SELENOM: variants seen among roughly 807,000 people sequenced by gnomAD.
SELENOM encodes the protein selenoprotein SelM.
Under a neutral mutation model 14.5 loss-of-function variants are expected in SELENOM, and 17 were observed. The observed-to-expected ratio is 1.17, with a 90% CI of 0.80 to 1.76. The LOEUF (loss-of-function observed/expected upper bound fraction) is 1.76. SELENOM is among the 40% of genes most tolerant of loss of function. SELENOM has a pLI of 0.00. For synonymous variants in SELENOM, 102 were observed against 93.3 expected (o/e 1.09, Z -0.54); for missense variants, 230 against 204.6 (o/e 1.12, Z -0.76).
Position 31,104,980 on chromosome 22 carries a change from G to A in SELENOM, c.428C>T (p.Ala143Val). Residue 143 changes from alanine (A) to valine (V), a missense_variant, in exon 5 of 5, where the codon GCT (alanine) becomes GTT (valine). Transcript: ENST00000400299. Reference protein sequence around the residue: ...AKPPEETSDHADL With the variant: ...AKPPEETSDHVDL Reference sequence around the variant, plus strand: ...GCCGCGCCCCCGGACCTACAGGTCAGCGTGGTCCGAAGTTTCCTCTGGGGG... The same window carrying A: ...GCCGCGCCCCCGGACCTACAGGTCAACGTGGTCCGAAGTTTCCTCTGGGGG... 2 of 1,591,722 alleles carry A rather than the reference G, an allele frequency of 1.3e-6. No individual in the cohort carries two copies. The highest frequency in any genetic ancestry group is 8.5e-7 in the Non-Finnish European group (1 of 1,171,468).
chr22:31,107,070 T>G, intron 1 of SELENOM: 8 of 283,506 alleles, frequency 2.8e-5, no homozygotes, highest in East Asian at 6.7e-5. Flanking sequence ...TGGGACAGGA[T>G]TGGGAGTCAT....
rs1256200038 is a variant in SELENOM at position 31,107,480 on chromosome 22, G to C, written c.26C>G (p.Ala9Gly). MSLLLPPL[A>G]LLLLLAALVA... ...AAGCGCCGCGAGAAGCAGCAGCAGC[G>C]CCAGCGGAGGCAACAGGAGGCTCAT... The change falls in exon 1 of 5, where the codon GCG (alanine) becomes GGG (glycine). Residue 9 changes from alanine to glycine, a missense_variant. By Grantham distance (60) the Ala-to-Gly change is moderately conservative. Coordinates refer to ENST00000400299, the MANE Select transcript of SELENOM (RefSeq NM_080430.4). The C allele has an allele frequency of 1.3e-6, 2 of 1,556,792 alleles. No homozygotes were observed. Among genetic ancestry groups the C allele is most frequent in the Non-Finnish European group, 1.7e-6 (2 of 1,153,230 alleles).
intron 3 of SELENOM, 117 bp downstream of exon 3, chr22:31,105,541 C>T (rs2044393278): frequency 4.6e-6 from 5 of 1,087,432 alleles, no homozygotes; most frequent in Non-Finnish European, 5.6e-6. Flanking sequence ...CCTCTGGGAG[C>T]CACTACCAAT....
chr22:31,107,329 G>A, intron 1 of SELENOM, 48 bp downstream of exon 1: 2 of 1,556,474 alleles, frequency 1.3e-6, no homozygotes, highest in Non-Finnish European at 8.7e-7. Context: ...CCATGGGGCC[G>A]CAGGGTTGGG....
chr22:31,105,811 G>T, intron 2 of SELENOM, 119 bp from the exon 3 acceptor site: 2 of 1,471,694 alleles, frequency 1.4e-6, no homozygotes, highest in Non-Finnish European at 1.9e-6. Context: ...CTCAGCCTAG[G>T]CTAGACTCTC....
At position 31,104,964 on chromosome 22, in the gene SELENOM, C is replaced by G; in HGVS notation, c.*6G>C. 1 of 1,560,224 alleles carries G rather than the reference C, an allele frequency of 6.4e-7. No homozygotes were observed. The stretch of plus-strand genomic sequence containing the variant: ...GGTAGGTCCCAGCTCCGCCGCGCCC[C>G]CGGACCTACAGGTCAGCGTGGTCCG... On this transcript the variant is annotated 3_prime_UTR_variant, in exon 5 of 5. Transcript: ENST00000400299.
In SELENOM at chr22:31,107,506, C is replaced by A. The variant is rs373477899; in HGVS notation, c.-1G>T. 6.5e-7 allele frequency: 1 copy of A among 1,541,488 alleles called. No individual in the cohort carries two copies. Among genetic ancestry groups the A allele is most frequent in the Non-Finnish European group, 8.7e-7 (1 of 1,145,242 alleles). Reference sequence around the variant, plus strand: ...CCAGCGGAGGCAACAGGAGGCTCATCGGGACCCGGCCGCAGATGATGCGCA... The same window carrying A: ...CCAGCGGAGGCAACAGGAGGCTCATAGGGACCCGGCCGCAGATGATGCGCA... On this transcript the variant is annotated 5_prime_UTR_variant, in exon 1 of 5. Coordinates refer to ENST00000400299, the MANE Select transcript of SELENOM (RefSeq NM_080430.4).
intron 3 of SELENOM, 21 bp from the exon 4 acceptor site, chr22:31,105,307 C>G (rs1421098501): frequency 6.3e-7 from 1 of 1,599,580 alleles, no homozygotes; most frequent in Non-Finnish European, 8.5e-7. Flanking sequence ...TGTTAAGGAG[C>G]GGGGTGGTGG....
rs769462372 is a variant in SELENOM at position 31,105,140 on chromosome 22, G to GAGGGGCGGGGTCAGC, written c.280-27_280-13dup. ...CTGAGTGGGATGCGCTGAGGCGGAG[G>GAGGGGCGGGGTCAGC]AGGGGCGGGGTCAGCAGGCTGGGCC... On this transcript the variant is annotated splice_polypyrimidine_tract_variant and intron_variant, in intron 4 of 4. Coordinates refer to ENST00000400299, the MANE Select transcript of SELENOM (RefSeq NM_080430.4). 107 of 1,613,326 alleles carry GAGGGGCGGGGTCAGC rather than the reference G, an allele frequency of 6.6e-5. No individual in the cohort carries two copies. The highest frequency in any genetic ancestry group is 8.6e-5 in the Non-Finnish European group (102 of 1,179,766).
intron 1 of SELENOM, 190 bp from the exon 2 acceptor site, chr22:31,106,155 G>A: frequency 1.6e-6 from 1 of 633,236 alleles, no homozygotes; most frequent in Admixed American, 2.4e-5. Flanking sequence ...CAGGTGGGGA[G>A]ACTCAGGCCT....
rs1569275712 is a variant in SELENOM at position 31,105,197 on chromosome 22, C to G, written c.279+11G>C. 6.2e-7 allele frequency: 1 copy of G among 1,613,336 alleles called. No individual in the cohort carries two copies. On this transcript the variant is annotated intron_variant, in intron 4 of 4. Transcript: ENST00000400299. ...CTGGCCTCGCCCCCAGCCCACCTCCCACGGCCTCACCTCTAGTTCCTCGTA... is the reference window on the plus strand; with the variant it reads ...CTGGCCTCGCCCCCAGCCCACCTCCGACGGCCTCACCTCTAGTTCCTCGTA...
At chr22:31,105,790 CAGGCTAGACTCTCAGCCT>C (rs1269394031) in intron 2 of SELENOM, 98 bp from the exon 3 acceptor site, 77 of 1,496,936 alleles carry the variant, frequency 5.1e-5, no homozygotes, top group Admixed American at 3.3e-4. Flanking sequence ...AAGTCAGGTG[CAGGCTAGACTCTCAGCCT>C]AGGCTAGACT....
Position 31,105,138 on chromosome 22 carries a change from A to C in SELENOM, c.280-10T>G. 3 of 1,613,458 alleles carry C rather than the reference A, an allele frequency of 1.9e-6. No homozygotes were observed. Among genetic ancestry groups the C allele is most frequent in the East Asian group, 2.2e-5 (1 of 44,872 alleles). On this transcript the variant is annotated splice_polypyrimidine_tract_variant and intron_variant, in intron 4 of 4. Coordinates refer to ENST00000400299, the MANE Select transcript of SELENOM (RefSeq NM_080430.4). Reference sequence around the variant, plus strand: ...CACTGAGTGGGATGCGCTGAGGCGGAGGAGGGGCGGGGTCAGCAGGCTGGG... The same window carrying C: ...CACTGAGTGGGATGCGCTGAGGCGGCGGAGGGGCGGGGTCAGCAGGCTGGG...
Position 31,107,367 on chromosome 22 carries a change from G to C in SELENOM, c.129+10C>G, listed in dbSNP as rs888091823. Reference sequence around the variant, plus strand: ...ACGATAGTGCCGGGGCTGGAGGCCGGCGTACTCACCTCTACCCGGGCGCGG... The same window carrying C: ...ACGATAGTGCCGGGGCTGGAGGCCGCCGTACTCACCTCTACCCGGGCGCGG... On this transcript the variant is annotated intron_variant, in intron 1 of 4. Coordinates refer to ENST00000400299, the MANE Select transcript of SELENOM (RefSeq NM_080430.4). 10 of 1,590,534 alleles carry C rather than the reference G, an allele frequency of 6.3e-6. No homozygotes were observed. Among genetic ancestry groups the C allele is most frequent in the Non-Finnish European group, 6.8e-6 (8 of 1,170,096 alleles).
rs1475846688 is a variant in SELENOM, at chr22:31,105,298, G to A, written c.201-12C>T. 1 of 1,605,684 alleles carries A rather than the reference G, an allele frequency of 6.2e-7. No individual in the cohort carries two copies. Among genetic ancestry groups the A allele is most frequent in the African/African-American group, 1.3e-5 (1 of 74,866 alleles). On this transcript the variant is annotated splice_polypyrimidine_tract_variant and intron_variant, in intron 3 of 4. Transcript: ENST00000400299. ...TCACCAGGTTGTGACTGGAGGTGGT[G>A]TTAAGGAGCGGGGTGGTGGGCAGAG...
At position 31,105,032 on chromosome 22, in the gene SELENOM, GGGGCACCTGCGCGTCGGGC is replaced by G; in HGVS notation, c.357_375del (p.Asp121SerfsTer?). The G allele has an allele frequency of 6.2e-7, 1 of 1,611,356 alleles. No homozygotes were observed. The highest frequency in any genetic ancestry group is 1.1e-5 in the South Asian group (1 of 91,020). On this transcript the variant is annotated frameshift_variant, in exon 5 of 5. Coordinates refer to ENST00000400299, the MANE Select transcript of SELENOM (RefSeq NM_080430.4). LOFTEE classifies it high-confidence loss of function. ...TTCGCGGGCGCCCACACGTACTCGG[GGGGCACCTGCGCGTCGGGC>G]GCCGCCTTGCGGTAGAAGCCGAGCT...
Position 31,105,686 on chromosome 22 carries a change from C to G in SELENOM, c.172G>C (p.Ala58Pro), listed in dbSNP as rs905200853. The G allele has an allele frequency of 2.5e-6, 4 of 1,613,984 alleles. No individual in the cohort carries two copies. The highest frequency in any genetic ancestry group is 2.7e-5 in the African/African-American group (2 of 74,900). ...UQLNRLKEVKAFVTQDIPFYH... is the reference protein window; with the variant it reads ...UQLNRLKEVKPFVTQDIPFYH... Reference sequence around the variant, plus strand: ...AATGGAATGTCCTGCGTGACGAAAGCCTTCACCTGGGGAGGAACCAGAGCA... The same window carrying G: ...AATGGAATGTCCTGCGTGACGAAAGGCTTCACCTGGGGAGGAACCAGAGCA... Residue 58 changes from alanine (A) to proline (P), a missense_variant, in exon 3 of 5, where the codon GCT becomes CCT. By Grantham distance (27) the Ala-to-Pro change is conservative. Transcript: ENST00000400299.
At chr22:31,105,413 T>A (rs1023619557) in intron 3 of SELENOM, 127 bp from the exon 4 acceptor site, 5 of 998,358 alleles carry the variant, frequency 5.0e-6, no homozygotes, top group African/African-American at 4.9e-5. Context: ...GGCCAGGGTC[T>A]CCGCTTATAC....
chr22:31,105,389 CTG>C (rs1437372160), intron 3 of SELENOM, 103 bp from the exon 4 acceptor site: 2 of 1,254,346 alleles, frequency 1.6e-6, no homozygotes, highest in Non-Finnish European at 2.3e-6. Flanking sequence ...AGAGCTTACT[CTG>C]TGCCCGGGAG....
Sources: allele counts gnomAD v4.1 joint callset, GRCh38; gene constraint gnomAD v4.1.1; transcripts MANE v1.5; gene names NCBI Gene and HGNC (gene_info 2026-07-23, HGNC 2026-07-21).